Variants in RNF24 observed in about 807,000 individuals in gnomAD.
The protein encoded by RNF24 is ring finger protein 24.
A neutral mutation model predicts 20.0 loss-of-function variants in RNF24; 14 were observed. The observed-to-expected ratio is 0.70, with a 90% CI of 0.46 to 1.10. The LOEUF (loss-of-function observed/expected upper bound fraction) is 1.10, where lower values mean the gene tolerates loss of function less well. RNF24 is among the 50% of genes least tolerant of loss of function. The pLI, the probability that RNF24 is intolerant of heterozygous loss-of-function variation, is 0.00. For missense variants in RNF24, 124 were observed against 177.6 expected (o/e 0.70, Z 1.71); for synonymous variants, 45 against 61.1 (o/e 0.74, Z 1.23).
At chr20:3,937,327 A>C (rs1300183015) in intron 4 of RNF24, among the ~76,000 whole-genome samples, 1 of 152,150 alleles carries the variant, frequency 6.6e-6, no homozygotes, top group East Asian at 1.9e-4. Flanking sequence ...TAAGAGCCAA[A>C]CTCATTTTAC....
At chr20:3,939,643 T>C (rs750540591) in intron 4 of RNF24, among the ~76,000 whole-genome samples, 1 of 152,242 alleles carries the variant, frequency 6.6e-6, no homozygotes, top group Non-Finnish European at 1.5e-5. Context: ...GTTCTCTAAC[T>C]CTGTTCTTCT....
chr20:3,991,461 C>T (rs1980434164), intron 1 of RNF24, among the ~76,000 whole-genome samples: 1 of 151,926 alleles, frequency 6.6e-6, no homozygotes, highest in Admixed American at 6.6e-5. Flanking sequence ...ACCGTGTTAG[C>T]CAGGATGGTC....
intron 2 of RNF24, among the ~76,000 whole-genome samples, chr20:3,955,248 A>G (rs1301811537): frequency 6.6e-6 from 1 of 152,164 alleles, no homozygotes; most frequent in Non-Finnish European, 1.5e-5. Flanking sequence ...TATTCTGGGT[A>G]TTAAACCCTT....
intron 1 of RNF24, among the ~76,000 whole-genome samples, chr20:4,014,739 G>GCACACACACACACACA (rs146278311): frequency 2.1e-5 from 3 of 143,670 alleles, no homozygotes; most frequent in East Asian, 4.2e-4. Context: ...ACTTGAATGC[G>GCACACACACACACACA]CACACACACA....
At chr20:3,978,096 G>A (rs1272712346) in intron 1 of RNF24, among the ~76,000 whole-genome samples, 1 of 148,560 alleles carries the variant, frequency 6.7e-6, no homozygotes, top group Non-Finnish European at 1.5e-5. Flanking sequence ...TTGAGATGGA[G>A]TCTCACTCTC....
intron 2 of RNF24, among the ~76,000 whole-genome samples, chr20:3,958,717 A>G (rs1288446865): frequency 6.6e-6 from 1 of 152,078 alleles, no homozygotes; most frequent in Non-Finnish European, 1.5e-5. Context: ...TCTCAGCTCA[A>G]TGCAACCTCC....
At position 3,942,220 on chromosome 20, in the gene RNF24, G is replaced by A. The variant is rs1270697379; in HGVS notation, c.228+2957C>T. ...TTCTTGCCCTGTCACCCAGGCTGGAGTACAGTGGCACAACCTTGGCTCACT... is the reference window on the plus strand; with the variant it reads ...TTCTTGCCCTGTCACCCAGGCTGGAATACAGTGGCACAACCTTGGCTCACT... On this transcript the variant is annotated intron_variant, in intron 4 of 5. Coordinates refer to ENST00000358395, the MANE Select transcript of RNF24 (RefSeq NM_001134337.3). Among the ~76,000 whole-genome samples the A allele has an allele frequency of 2.0e-5, 3 of 150,904 alleles. No individual in the cohort carries two copies. The East Asian group carries it at 5.9e-4, about 30-fold the overall frequency.
rs1039241991 is a variant in RNF24 at position 3,931,757 on chromosome 20, A to G, written c.*2306T>C. 1 of 152,240 alleles carries G rather than the reference A, an allele frequency of 6.6e-6. No individual in the cohort carries two copies. The highest frequency in any genetic ancestry group is 2.4e-5 in the African/African-American group (1 of 41,454). The allele number at this position is 152,240 out of a possible 1,614,324, so 9.4% of individuals were successfully genotyped here. A position where few individuals can be genotyped will look rare whatever the true frequency, so the allele number is the denominator to read the frequency against. On this transcript the variant is annotated 3_prime_UTR_variant, in exon 6 of 6. Coordinates refer to ENST00000358395, the MANE Select transcript of RNF24 (RefSeq NM_001134337.3). Reference sequence around the variant, plus strand: ...CTGAGAAGGTTGTTAGTGGTCCCTCATCTGGGCAAAGCAGACCCAAGGTGG... The same window carrying G: ...CTGAGAAGGTTGTTAGTGGTCCCTCGTCTGGGCAAAGCAGACCCAAGGTGG...
At chr20:4,001,268 AAAAC>A (rs895620820) in intron 1 of RNF24, among the ~76,000 whole-genome samples, 46 of 152,270 alleles carry the variant, frequency 3.0e-4, no homozygotes, top group Non-Finnish European at 2.1e-4. Context: ...CTCCATCTCA[AAAAC>A]AAACAAACAA....
intron 2 of RNF24, among the ~76,000 whole-genome samples, chr20:3,955,858 T>C (rs1396097598): frequency 2.0e-5 from 3 of 152,210 alleles, no homozygotes; most frequent in Non-Finnish European, 4.4e-5. Context: ...CTGGTTAACT[T>C]TATTCCTTAA....
At position 3,997,036 on chromosome 20, in the gene RNF24, C is replaced by T. The variant is rs1391779211; in HGVS notation, c.-8+18401G>A. On this transcript the variant is annotated intron_variant, in intron 1 of 5. Coordinates refer to ENST00000358395, the MANE Select transcript of RNF24 (RefSeq NM_001134337.3). ...GGGATCGAGACCATCCTGGCTAACA[C>T]GGTGAAACCCCATTCTCTACTAAAA... 6.6e-5 allele frequency among the ~76,000 whole-genome samples: 10 copies of T among 151,640 alleles called. No individual in the cohort carries two copies. The South Asian group carries it at 1.0e-3, about 16-fold the overall frequency.
At chr20:4,006,420 T>G (rs1981880905) in intron 1 of RNF24, among the ~76,000 whole-genome samples, 1 of 149,800 alleles carries the variant, frequency 6.7e-6, no homozygotes, top group African/African-American at 2.4e-5. Context: ...TACAACAAGA[T>G]GGAAAAATTT....
At chr20:3,979,441 C>CAAGGTGGGTGGATCACCT (rs1000522887) in intron 1 of RNF24, among the ~76,000 whole-genome samples, 9 of 152,156 alleles carry the variant, frequency 5.9e-5, no homozygotes, top group Admixed American at 3.9e-4. Context: ...TTTGGGAGGC[C>CAAGGTGGGTGGATCACCT]AAGGTGGGTG....
chr20:3,940,311 T>C (rs2090939776), intron 4 of RNF24, among the ~76,000 whole-genome samples: 1 of 151,586 alleles, frequency 6.6e-6, no homozygotes, highest in South Asian at 2.1e-4. Flanking sequence ...AAAAACTTAA[T>C]GGATGGGCTC....
chr20:3,959,058 C>G (rs568443375), intron 2 of RNF24, among the ~76,000 whole-genome samples: 51 of 152,272 alleles, frequency 3.3e-4, no homozygotes, highest in South Asian at 8.3e-4. Flanking sequence ...TATACACATT[C>G]TCTCTAGGCA....
chr20:3,982,104 T>TCTCTCTCTCTCTCTCTCC (rs1979450766), intron 1 of RNF24, among the ~76,000 whole-genome samples: 2 of 39,862 alleles, frequency 5.0e-5, no homozygotes, highest in Non-Finnish European at 9.0e-5. Flanking sequence ...TGAGACCTCG[T>TCTCTCTCTCTCTCTCTCC]CTCTCTCTCT....
Position 3,986,444 on chromosome 20 carries a change from T to C in RNF24, c.-7-22420A>G, listed in dbSNP as rs190887068. Among the ~76,000 whole-genome samples the C allele has an allele frequency of 4.0e-3, 608 of 152,004 alleles. 8 individuals carry two copies. The highest frequency in any genetic ancestry group is 0.014 in the African/African-American group (592 of 41,468). Reference sequence around the variant, plus strand: ...TTTTTGAATTTATTTTTTGTAGAGATGGGGTTTAACCATGTTGCCCAGGTT... The same window carrying C: ...TTTTTGAATTTATTTTTTGTAGAGACGGGGTTTAACCATGTTGCCCAGGTT... On this transcript the variant is annotated intron_variant, in intron 1 of 5. Coordinates refer to ENST00000358395, the MANE Select transcript of RNF24 (RefSeq NM_001134337.3).
intron 1 of RNF24, among the ~76,000 whole-genome samples, chr20:4,001,455 T>C (rs1365598105): frequency 1.3e-5 from 2 of 152,182 alleles, no homozygotes; most frequent in Non-Finnish European, 2.9e-5. Context: ...TTACCACAAA[T>C]GTAGCTTTCT....
At chr20:3,990,571 T>C (rs1292186874) in intron 1 of RNF24, among the ~76,000 whole-genome samples, 2 of 152,126 alleles carry the variant, frequency 1.3e-5, no homozygotes, top group African/African-American at 2.4e-5. Context: ...TAAAGAATGA[T>C]ACCAGGTCAG....
Sources: allele counts gnomAD v4.1 joint callset (sites outside exome capture counted in the v4.1 genomes callset), GRCh38; gene constraint gnomAD v4.1.1; transcripts MANE v1.5; gene names NCBI Gene and HGNC (gene_info 2026-07-23, HGNC 2026-07-21).